The following CSMD1 variants were observed in gnomAD, a reference collection of about 807,000 sequenced individuals.
CSMD1 encodes CUB and sushi domain-containing protein 1.
Under a neutral mutation model 417.5 loss-of-function variants are expected in CSMD1, and 213 were observed. The observed-to-expected ratio is 0.51, with a 90% CI of 0.46 to 0.57. The LOEUF is 0.57. Among genes scored for constraint, CSMD1 ranks in the 20% least tolerant of loss-of-function variants. The probability of loss-of-function intolerance (pLI) is 0.00; values close to 1 mark genes in which losing one functional copy is unlikely to be tolerated. For missense variants in CSMD1, 6,923 were observed against 4,529.7 expected, an observed-to-expected ratio of 1.53 and a Z score of -15.17; for synonymous variants, 2,862 against 1,736.8, an observed-to-expected ratio of 1.65 and a Z score of -16.11.
chr8:4,924,540 T>A (rs1806721533), intron 1 of CSMD1, among the ~76,000 whole-genome samples: 1 of 151,946 alleles, frequency 6.6e-6, no homozygotes, highest in South Asian at 2.1e-4. Flanking sequence ...CTGGCCAACA[T>A]GGCAAAACCC....
rs568192126 is a variant in CSMD1, at chr8:4,619,182, G to A, written c.302+18160C>T. On this transcript the variant is annotated intron_variant, in intron 2 of 69. Coordinates refer to ENST00000635120, the MANE Select transcript of CSMD1 (RefSeq NM_033225.6). ...CGTTTATCACTTACTTTTAAGGGTG[G>A]TGGGCAGAATGTCTACATTTTTTCC... is the stretch of plus-strand genomic sequence containing the variant. Among the ~76,000 whole-genome samples the A allele has an allele frequency of 1.2e-4, 19 of 152,198 alleles. No individual in the cohort carries two copies. The East Asian group carries it at 3.7e-3, about 29-fold the overall frequency.
intron 3 of CSMD1, among the ~76,000 whole-genome samples, chr8:4,340,204 C>T (rs889465323): frequency 4.6e-5 from 7 of 152,132 alleles, no homozygotes; most frequent in Admixed American, 3.3e-4. Context: ...ATGACACCTT[C>T]GCCAAGAAGA....
intron 50 of CSMD1, among the ~76,000 whole-genome samples, chr8:3,049,528 G>C (rs771909219): frequency 5.3e-5 from 8 of 152,046 alleles, no homozygotes; most frequent in Non-Finnish European, 7.4e-5. Context: ...TTCTAGTAAA[G>C]GTAAAACTAT....
chr8:3,024,900 G>A (rs1312592358), intron 51 of CSMD1, among the ~76,000 whole-genome samples: 7 of 152,224 alleles, frequency 4.6e-5, no homozygotes, highest in Non-Finnish European at 1.0e-4. Context: ...TGTTCGTACT[G>A]TTCCCTCCAC....
intron 26 of CSMD1, among the ~76,000 whole-genome samples, chr8:3,246,269 C>G (rs544284727): frequency 6.6e-6 from 1 of 152,096 alleles, no homozygotes; most frequent in Non-Finnish European, 1.5e-5. Context: ...TCCTTGGAAT[C>G]CATGATCTCA....
At chr8:3,006,153 G>A (rs1385355545) in intron 52 of CSMD1, among the ~76,000 whole-genome samples, 1 of 151,296 alleles carries the variant, frequency 6.6e-6, no homozygotes, top group Non-Finnish European at 1.5e-5. Flanking sequence ...GCCAAATCAT[G>A]AGTGAACTCC....
At position 3,323,596 on chromosome 8, in the gene CSMD1, A is replaced by AT. The variant is rs560541067; in HGVS notation, c.3632-15094dup. 4.2e-3 allele frequency among the ~76,000 whole-genome samples: 646 copies of AT among 152,342 alleles called. 4 individuals are homozygous for AT. The highest frequency in any genetic ancestry group is 0.015 in the African/African-American group (612 of 41,584). Reference sequence around the variant, plus strand: ...AAATACTCTTTGATTTTTTAAAAAAATTTTATAGCATTTCAGTACTAAGAG... The same window carrying AT: ...AAATACTCTTTGATTTTTTAAAAAAATTTTTATAGCATTTCAGTACTAAGAG... On this transcript the variant is annotated intron_variant, in intron 23 of 69. Transcript: ENST00000635120.
In CSMD1 at chr8:3,108,661, G is replaced by A; in HGVS notation, c.6696C>T (p.Val2232=). The part of the protein sequence containing the change: ...LETAYSSTNQ[V]LLKFHSDFSN... Reference sequence around the variant, plus strand: ...AAAAGTCGCTGTGGAACTTGAGCAGGACTTGGTTGGTGGAGCTATACGCCG... The same window carrying A: ...AAAAGTCGCTGTGGAACTTGAGCAGAACTTGGTTGGTGGAGCTATACGCCG... The change falls in exon 44 of 70, where the codon GTC becomes GTT. Residue 2232 remains valine (V), a synonymous_variant. Coordinates refer to ENST00000635120, the MANE Select transcript of CSMD1 (RefSeq NM_033225.6). The A allele has an allele frequency of 2.5e-6, 4 of 1,613,790 alleles. No individual in the cohort carries two copies. The South Asian group carries it at 3.3e-5, about 13-fold the overall frequency.
chr8:3,857,603 G>C (rs1804402471), intron 5 of CSMD1, among the ~76,000 whole-genome samples: 1 of 152,144 alleles, frequency 6.6e-6, no homozygotes, highest in Non-Finnish European at 1.5e-5. Context: ...TGAGGTTTGT[G>C]GTGGGGCCAG....
chr8:3,543,217 G>A (rs6991293), intron 10 of CSMD1, among the ~76,000 whole-genome samples: 7,150 of 152,282 alleles, frequency 0.047, 487 homozygotes, highest in African/African-American at 0.15. Flanking sequence ...TTAGCAGCAA[G>A]GGAGGTGGGA....
At chr8:4,183,096 C>T (rs1354168936) in intron 3 of CSMD1, among the ~76,000 whole-genome samples, 3 of 152,114 alleles carry the variant, frequency 2.0e-5, no homozygotes, top group Non-Finnish European at 4.4e-5. Flanking sequence ...CAGCGACACC[C>T]TATATACAGA....
chr8:4,837,023 A>ATGT (rs200120410), intron 1 of CSMD1, among the ~76,000 whole-genome samples: 3 of 149,258 alleles, frequency 2.0e-5, no homozygotes, highest in Non-Finnish European at 4.4e-5. Flanking sequence ...TCTGGCCTTG[A>ATGT]TGTTGTTGTT....
At chr8:4,005,386 C>T (rs1040336621) in intron 4 of CSMD1, among the ~76,000 whole-genome samples, 1 of 152,184 alleles carries the variant, frequency 6.6e-6, no homozygotes, top group Admixed American at 6.5e-5. Context: ...AACAGACACA[C>T]GTGGCCGGGT....
chr8:3,661,716 C>G (rs990069489), intron 7 of CSMD1, among the ~76,000 whole-genome samples: 2 of 152,084 alleles, frequency 1.3e-5, no homozygotes, highest in Admixed American at 1.3e-4. Flanking sequence ...AGGCTAGTCT[C>G]GAACTCCTGA....
At chr8:3,213,561 A>G (rs2116811244) in intron 30 of CSMD1, among the ~76,000 whole-genome samples, 1 of 152,262 alleles carries the variant, frequency 6.6e-6, no homozygotes, top group African/African-American at 2.4e-5. Flanking sequence ...TACTAATTTC[A>G]TTCCTAAGGA....
intron 26 of CSMD1, among the ~76,000 whole-genome samples, chr8:3,265,234 TG>T (rs1801349743): frequency 6.6e-6 from 1 of 151,836 alleles, no homozygotes; most frequent in Non-Finnish European, 1.5e-5. Context: ...GAAGAAATAA[TG>T]AAAAAACAAG....
intron 5 of CSMD1, among the ~76,000 whole-genome samples, chr8:3,805,365 G>A (rs768365630): frequency 6.6e-6 from 1 of 152,108 alleles, no homozygotes; most frequent in Non-Finnish European, 1.5e-5. Flanking sequence ...ATTACAAAGA[G>A]AGGAGCCACA....
intron 4 of CSMD1, among the ~76,000 whole-genome samples, chr8:4,001,167 G>C (rs1466570103): frequency 6.6e-6 from 1 of 152,152 alleles, no homozygotes; most frequent in Non-Finnish European, 1.5e-5. Context: ...TATGTGCATG[G>C]TATAGAATAA....
At chr8:4,152,311 G>C (rs1585431230) in intron 3 of CSMD1, among the ~76,000 whole-genome samples, 2 of 152,216 alleles carry the variant, frequency 1.3e-5, no homozygotes, top group Admixed American at 6.5e-5. Context: ...TTATAAATCA[G>C]CTTTTTGAAT....
Sources: gnomAD v4.1 joint callset for allele counts (sites outside exome capture counted in the v4.1 genomes callset) on GRCh38, gnomAD v4.1.1 for gene constraint, MANE v1.5 for transcripts, NCBI Gene and HGNC (gene_info 2026-07-23, HGNC 2026-07-21) for gene names.